Variants in FANCC observed in about 807,000 individuals in gnomAD.
The protein encoded by FANCC is Fanconi anemia group C protein.
Under a neutral mutation model 71.3 loss-of-function variants are expected in FANCC, and 55 were observed. That is an observed-to-expected ratio of 0.77 (90% CI 0.62 to 0.97). FANCC has a LOEUF of 0.97. Ranked by LOEUF, FANCC falls within the 50% of genes least tolerant of loss-of-function variation. The pLI is 0.00. For synonymous variants in FANCC, 275 were observed against 244.9 expected (o/e 1.12, Z -1.15); for missense variants, 678 against 670.9 (o/e 1.01, Z -0.12).
intron 4 of FANCC, among the ~76,000 whole-genome samples, chr9:95,238,305 C>T (rs924237436): frequency 1.1e-4 from 16 of 152,228 alleles, no homozygotes; most frequent in Admixed American, 1.3e-4. Flanking sequence ...GGGATATTCA[C>T]CTGCTCTCTG....
chr9:95,146,164 A>G (rs1015684841), intron 7 of FANCC, among the ~76,000 whole-genome samples: 1 of 152,146 alleles, frequency 6.6e-6, no homozygotes, highest in African/African-American at 2.4e-5. Context: ...ATATGTAACA[A>G]TTCTCCAATT....
At chr9:95,135,731 G>GA (rs57860160) in intron 7 of FANCC, among the ~76,000 whole-genome samples, 1 of 152,060 alleles carries the variant, frequency 6.6e-6, no homozygotes. Flanking sequence ...AAATGCTCAG[G>GA]AAAAAAATTG....
At chr9:95,154,755 T>C (rs1386455820) in intron 6 of FANCC, among the ~76,000 whole-genome samples, 1 of 152,238 alleles carries the variant, frequency 6.6e-6, no homozygotes, top group Admixed American at 6.5e-5. Context: ...ATGCTTCAGC[T>C]CTAATTGAAA....
chr9:95,159,927 G>C (rs922820562), intron 6 of FANCC, among the ~76,000 whole-genome samples: 4 of 152,066 alleles, frequency 2.6e-5, no homozygotes, highest in Non-Finnish European at 5.9e-5. Context: ...CTGGATATTA[G>C]CCCTTTGTCA....
intron 4 of FANCC, among the ~76,000 whole-genome samples, chr9:95,181,086 C>T (rs1257639035): frequency 1.3e-5 from 2 of 151,778 alleles, no homozygotes; most frequent in African/African-American, 2.4e-5. Context: ...CAGTGGATGC[C>T]GGAAACCTTG....
chr9:95,129,878 G>C (rs2135053801), intron 8 of FANCC, among the ~76,000 whole-genome samples: 1 of 152,278 alleles, frequency 6.6e-6, no homozygotes, highest in East Asian at 1.9e-4. Context: ...CGATTGTTCT[G>C]CTGGGTGTGC....
chr9:95,246,381 T>C (rs1348716866), intron 3 of FANCC, among the ~76,000 whole-genome samples: 1 of 152,212 alleles, frequency 6.6e-6, no homozygotes, highest in Non-Finnish European at 1.5e-5. Flanking sequence ...CCAATAATGA[T>C]TATGACAACC....
intron 4 of FANCC, among the ~76,000 whole-genome samples, chr9:95,225,010 C>CA (rs935650162): frequency 6.6e-6 from 1 of 152,136 alleles, no homozygotes; most frequent in Non-Finnish European, 1.5e-5. Context: ...ATAGAAACTC[C>CA]AATATTGTCA....
At chr9:95,192,709 T>C (rs886303479) in intron 4 of FANCC, among the ~76,000 whole-genome samples, 7 of 152,214 alleles carry the variant, frequency 4.6e-5, no homozygotes, top group African/African-American at 1.7e-4. Context: ...GACATAAAGG[T>C]ATAGTCAAAG....
intron 1 of FANCC, among the ~76,000 whole-genome samples, chr9:95,299,482 G>C (rs1254907490): frequency 6.6e-6 from 1 of 152,160 alleles, no homozygotes; most frequent in African/African-American, 2.4e-5. Flanking sequence ...GCAAAACCTT[G>C]TTTTCTAAGC....
At chr9:95,251,505 G>A (rs944635397) in intron 1 of FANCC, among the ~76,000 whole-genome samples, 4 of 151,816 alleles carry the variant, frequency 2.6e-5, no homozygotes, top group South Asian at 2.1e-4. Flanking sequence ...TAGTAGAGAC[G>A]GGGTCTCACC....
chr9:95,181,352 C>T (rs1350725454), intron 4 of FANCC, among the ~76,000 whole-genome samples: 3 of 152,064 alleles, frequency 2.0e-5, no homozygotes, highest in African/African-American at 4.8e-5. Flanking sequence ...CAAACAGACA[C>T]CTCAAACTTT....
intron 6 of FANCC, among the ~76,000 whole-genome samples, chr9:95,158,204 C>T (rs892679015): frequency 6.6e-6 from 1 of 152,158 alleles, no homozygotes; most frequent in Non-Finnish European, 1.5e-5. Context: ...TTCACACACA[C>T]CCCCACATAC....
intron 4 of FANCC, among the ~76,000 whole-genome samples, chr9:95,229,801 AC>A (rs1829879502): frequency 6.6e-6 from 1 of 150,378 alleles, no homozygotes; most frequent in African/African-American, 2.5e-5. Context: ...ACACACACAC[AC>A]ACATTGTAAT....
chr9:95,164,835 T>C (rs569222219), intron 6 of FANCC, among the ~76,000 whole-genome samples: 1 of 152,258 alleles, frequency 6.6e-6, no homozygotes, highest in Admixed American at 6.5e-5. Context: ...CTTCAATATT[T>C]TGGAAGACTT....
chr9:95,280,052 G>A (rs1359583118), intron 1 of FANCC, among the ~76,000 whole-genome samples: 2 of 150,498 alleles, frequency 1.3e-5, no homozygotes, highest in Non-Finnish European at 3.0e-5. Context: ...ACACACTTTA[G>A]AGTGAAAAAT....
At chr9:95,114,356 T>C (rs41306712) in intron 12 of FANCC, 3 of 474,678 alleles carry the variant, frequency 6.3e-6, no homozygotes, top group African/African-American at 2.0e-5. Context: ...TGCCTGTATA[T>C]TTCAAAATCT....
rs1588134159 is a variant in FANCC at position 95,135,351 on chromosome 9, A to G, written c.838T>C (p.Ser280Pro). The G allele has an allele frequency of 6.2e-7, 1 of 1,614,038 alleles. No individual in the cohort carries two copies. The highest frequency in any genetic ancestry group is 2.2e-5 in the East Asian group (1 of 44,876). ...RRIECFIKDSSLPQAACHPAI... is the reference protein window; with the variant it reads ...RRIECFIKDSPLPQAACHPAI... ...CATCAAAACCCAGTACGTACCAGCG[A>G]TGAATCTTTTATAAAGCATTCGATC... is the stretch of plus-strand genomic sequence containing the variant. The change falls in exon 8 of 15, where the codon TCG becomes CCG. Residue 280 changes from serine (S) to proline (P), a missense_variant. Transcript: ENST00000289081.
At chr9:95,123,642 T>C (rs752604796) in intron 10 of FANCC, 25 of 617,282 alleles carry the variant, frequency 4.1e-5, no homozygotes, top group Admixed American at 7.4e-5. Context: ...AAATTCATCA[T>C]TGGAAACACA....
Sources: allele counts gnomAD v4.1 joint callset (sites outside exome capture counted in the v4.1 genomes callset), GRCh38; gene constraint gnomAD v4.1.1; transcripts MANE v1.5; gene names NCBI Gene and HGNC (gene_info 2026-07-23, HGNC 2026-07-21).